MYH3: variants seen among roughly 807,000 people sequenced by gnomAD.
The protein encoded by MYH3 is myosin-3.
MYH3 carries 130 observed loss-of-function variants against 238.0 expected under a neutral mutation model. That is an observed-to-expected ratio of 0.55 (90% CI 0.47 to 0.63). The LOEUF (loss-of-function observed/expected upper bound fraction) is 0.63, where lower values mean the gene tolerates loss of function less well. Among genes scored for constraint, MYH3 ranks in the 30% least tolerant of loss-of-function variants. The pLI is 0.00. For synonymous variants in MYH3, 880 were observed against 924.1 expected, an observed-to-expected ratio of 0.95 and a Z score of 0.86; for missense variants, 1,853 against 2,374.9, an observed-to-expected ratio of 0.78 and a Z score of 4.57.
the MYH3 span, chr17:10,676,198 T>G: frequency 6.6e-6 from 1 of 152,100 alleles, no homozygotes; most frequent in Non-Finnish European, 1.5e-5. Context: ...TTCACACGAT[T>G]CTCCTACCTC....
At chr17:10,629,223 CCT>C (rs1555524826) in intron 40 of MYH3, among the ~76,000 whole-genome samples, 2 of 152,220 alleles carry the variant, frequency 1.3e-5, no homozygotes, top group East Asian at 3.9e-4. Context: ...TGTTCCCCTC[CCT>C]GTGTCCACGT....
chr17:10,676,391 A>T, the MYH3 span: 2 of 152,042 alleles, frequency 1.3e-5, no homozygotes, highest in African/African-American at 4.8e-5. Context: ...GTGCCCAGCC[A>T]ACTGTGGTTG....
chr17:10,632,305 G>A (rs967914225), intron 34 of MYH3, among the ~76,000 whole-genome samples, 171 bp downstream of exon 34: 1 of 152,122 alleles, frequency 6.6e-6, no homozygotes, highest in African/African-American at 2.4e-5. Context: ...TTTTTGTAGA[G>A]ATAAGGTTTT....
upstream of MYH3, among the ~76,000 whole-genome samples, chr17:10,661,481 C>T (rs2074480020): frequency 6.6e-6 from 1 of 151,972 alleles, no homozygotes; most frequent in African/African-American, 2.4e-5. Context: ...AGAAGGAGCC[C>T]TTATTCTTTC....
intron 28 of MYH3, among the ~76,000 whole-genome samples, chr17:10,636,714 G>A (rs1051578273): frequency 1.3e-5 from 2 of 152,112 alleles, no homozygotes; most frequent in African/African-American, 4.8e-5. Flanking sequence ...AGGAGTTCAA[G>A]ACCAGCCTGG....
intron 2 of MYH3, among the ~76,000 whole-genome samples, chr17:10,655,800 T>C (rs1242750853): frequency 6.6e-6 from 1 of 152,144 alleles, no homozygotes; most frequent in Non-Finnish European, 1.5e-5. Context: ...TACAGGCACT[T>C]GCCACCACGT....
rs1421972105 is a variant in MYH3, at chr17:10,651,677, G to C, written c.349-9C>G. ...AAGAGGCCTGAGTAGGTCTGTGGGAGGAAAAACATATACGTGCGTATATGT... is the reference window on the plus strand; with the variant it reads ...AAGAGGCCTGAGTAGGTCTGTGGGACGAAAAACATATACGTGCGTATATGT... On this transcript the variant is annotated splice_polypyrimidine_tract_variant and intron_variant, in intron 4 of 40. Coordinates refer to ENST00000583535, the MANE Select transcript of MYH3 (RefSeq NM_002470.4). 1 of 1,613,676 alleles carries C rather than the reference G, an allele frequency of 6.2e-7. No individual in the cohort carries two copies. The highest frequency in any genetic ancestry group is 2.2e-5 in the East Asian group (1 of 44,882).
chr17:10,666,460 G>C, the MYH3 span, among the ~76,000 whole-genome samples: 6 of 149,060 alleles, frequency 4.0e-5, no homozygotes, highest in South Asian at 1.3e-3. Flanking sequence ...TACAGTCCCA[G>C]CTACTTGGGA....
chr17:10,664,663 A>T, the MYH3 span, among the ~76,000 whole-genome samples: 4 of 152,192 alleles, frequency 2.6e-5, no homozygotes, highest in Non-Finnish European at 5.9e-5. Context: ...AGTCAGGTCC[A>T]AGACACTCAG....
intron 32 of MYH3, 29 bp downstream of exon 32, chr17:10,633,988 G>T: frequency 6.2e-7 from 1 of 1,611,466 alleles, no homozygotes. Flanking sequence ...ATGAAAGGAG[G>T]AGGTTTCAGA....
At chr17:10,637,252 G>A (rs1001797941) in intron 28 of MYH3, among the ~76,000 whole-genome samples, 2 of 152,008 alleles carry the variant, frequency 1.3e-5, no homozygotes, top group African/African-American at 4.8e-5. Context: ...TAGAGACGGG[G>A]TTTCACCATG....
At chr17:10,655,204 G>A in intron 2 of MYH3, 132 bp from the exon 3 acceptor site, 1 of 749,246 alleles carries the variant, frequency 1.3e-6, no homozygotes, top group South Asian at 1.5e-5. Context: ...CCAGGAACCA[G>A]GCTGTCCTCA....
Position 10,629,827 on chromosome 17 carries a change from A to C in MYH3, c.5658+15T>G. The C allele has an allele frequency of 1.2e-6, 2 of 1,613,910 alleles. No homozygotes were observed. Among genetic ancestry groups the C allele is most frequent in the Non-Finnish European group, 1.7e-6 (2 of 1,179,968 alleles). ...GCACGGTCTGCCTGCCGCAGTCAGC[A>C]CCTATCTCACTTACAGCCTCCTCCG... On this transcript the variant is annotated intron_variant, in intron 39 of 40. Coordinates refer to ENST00000583535, the MANE Select transcript of MYH3 (RefSeq NM_002470.4).
chr17:10,656,981 A>T (rs1341184359), intron 1 of MYH3, among the ~76,000 whole-genome samples: 2 of 152,192 alleles, frequency 1.3e-5, no homozygotes, highest in Non-Finnish European at 2.9e-5. Flanking sequence ...AGCTGGGCTC[A>T]CGGGGCATCC....
intron 24 of MYH3, 39 bp downstream of exon 24, chr17:10,639,259 C>G: frequency 1.9e-6 from 3 of 1,614,094 alleles, no homozygotes; most frequent in Non-Finnish European, 2.5e-6. Context: ...TCTTCCAACC[C>G]TGGAGTTCTG....
At chr17:10,653,215 C>T (rs1247717313) in intron 3 of MYH3, among the ~76,000 whole-genome samples, 1 of 152,146 alleles carries the variant, frequency 6.6e-6, no homozygotes, top group Non-Finnish European at 1.5e-5. Flanking sequence ...TCAGCTCAGT[C>T]AGTAACACTG....
At position 10,646,069 on chromosome 17, in the gene MYH3, G is replaced by A. The variant is rs1396600; in HGVS notation, c.899-37C>T. On this transcript the variant is annotated intron_variant, in intron 10 of 40. Transcript: ENST00000583535. ...AATAGTTCCAGGAGGTTATGCAGAT[G>A]CAAAGAAAAAACCCACCCAGTGGAC... 4.2e-3 allele frequency: 6,660 copies of A among 1,585,094 alleles called. 252 individuals are homozygous for A. In the African/African-American group the frequency reaches 0.078, roughly 19 times the overall value.
chr17:10,644,298 C>A (rs2074299962), intron 14 of MYH3, 53 bp downstream of exon 14: 2 of 1,583,636 alleles, frequency 1.3e-6, no homozygotes, highest in Admixed American at 3.3e-5. Flanking sequence ...GATCATGAAA[C>A]CAATTTCCCT....
chr17:10,632,533 G>A lies in MYH3; in HGVS notation c.4899C>T (p.Ala1633=). ...TGAGGGTCTCCGCCGCCTGGCGGTTGGCGTGGCTCAGCTGGATCTCGATTT... is the reference window on the plus strand; with the variant it reads ...TGAGGGTCTCCGCCGCCTGGCGGTTAGCGTGGCTCAGCTGGATCTCGATTT... The part of the protein sequence containing the change: ...LNEIEIQLSH[A]NRQAAETLKH... The change falls in exon 34 of 41, where the codon GCC becomes GCT. Residue 1633 remains alanine, a synonymous_variant. Coordinates refer to ENST00000583535, the MANE Select transcript of MYH3 (RefSeq NM_002470.4). 1 of 1,614,146 alleles carries A rather than the reference G, an allele frequency of 6.2e-7. No homozygotes were observed. Among genetic ancestry groups the A allele is most frequent in the Non-Finnish European group, 8.5e-7 (1 of 1,180,044 alleles).
Sources: allele counts gnomAD v4.1 joint callset (sites outside exome capture counted in the v4.1 genomes callset), GRCh38; gene constraint gnomAD v4.1.1; transcripts MANE v1.5; gene names NCBI Gene and HGNC (gene_info 2026-07-23, HGNC 2026-07-21).